DLG2: variants seen among roughly 807,000 people sequenced by gnomAD.
DLG2 encodes the protein disks large homolog 2.
In DLG2, 45 loss-of-function variants were observed where a neutral mutation model predicts 132.5. The ratio of observed to expected loss-of-function variants is 0.34; its 90% CI spans 0.27 to 0.44. The LOEUF is 0.44. Among genes scored for constraint, DLG2 ranks in the 20% least tolerant of loss-of-function variants. The pLI, the probability that DLG2 is intolerant of heterozygous loss-of-function variation, is 1.00. For missense variants in DLG2, 1,045 were observed against 1,196.9 expected, an observed-to-expected ratio of 0.87 and a Z score of 1.87; for synonymous variants, 424 against 419.6, an observed-to-expected ratio of 1.01 and a Z score of -0.13.
chr11:83,997,984 A>C (rs1377388190), intron 11 of DLG2, among the ~76,000 whole-genome samples: 1 of 151,664 alleles, frequency 6.6e-6, no homozygotes, highest in African/African-American at 2.4e-5. Flanking sequence ...ATACAAAAAA[A>C]ATTAGCTGGG....
intron 15 of DLG2, among the ~76,000 whole-genome samples, chr11:83,875,548 T>C (rs1285749133): frequency 6.6e-6 from 1 of 152,142 alleles, no homozygotes; most frequent in East Asian, 1.9e-4. Flanking sequence ...TAGAATATTC[T>C]TTAGAAAGAG....
intron 17 of DLG2, among the ~76,000 whole-genome samples, chr11:83,798,826 GA>G (rs2043540451): frequency 6.6e-6 from 1 of 151,936 alleles, no homozygotes; most frequent in African/African-American, 2.4e-5. Flanking sequence ...TTTCAAGAGG[GA>G]AAAAAATCTA....
chr11:83,517,208 A>G lies in DLG2; in HGVS notation c.2193+15500T>C, dbSNP rs185490196. 6.9e-3 allele frequency among the ~76,000 whole-genome samples: 1,057 copies of G among 152,278 alleles called. 12 individuals carry two copies. Among genetic ancestry groups the G allele is most frequent in the African/African-American group, 0.024 (983 of 41,548 alleles). On this transcript the variant is annotated intron_variant, in intron 21 of 27. Coordinates refer to ENST00000376104, the MANE Select transcript of DLG2 (RefSeq NM_001142699.3). The stretch of plus-strand genomic sequence containing the variant: ...TTTCACATAGTCCCATATTTCTTGG[A>G]GGCTTTGTGCATTTCTTTTTATTCT...
At position 84,513,303 on chromosome 11, in the gene DLG2, T is replaced by G. The variant is rs193243125; in HGVS notation, c.519+21267A>C. Among the ~76,000 whole-genome samples the G allele has an allele frequency of 2.6e-5, 4 of 152,062 alleles. No individual in the cohort carries two copies. The East Asian group carries it at 7.7e-4, about 29-fold the overall frequency. ...AGTGAAATTCCTATAAAAATACCAA[T>G]GACATTCTTCACAGAAATAGAAAAA... On this transcript the variant is annotated intron_variant, in intron 7 of 27. Coordinates refer to ENST00000376104, the MANE Select transcript of DLG2 (RefSeq NM_001142699.3).
chr11:84,566,595 T>A (rs2099456990), intron 6 of DLG2, among the ~76,000 whole-genome samples: 1 of 152,218 alleles, frequency 6.6e-6, no homozygotes, highest in Non-Finnish European at 1.5e-5. Flanking sequence ...AAAGGCTCCC[T>A]GACTTCCCAA....
chr11:85,182,760 T>C (rs2079805921), intron 4 of DLG2, among the ~76,000 whole-genome samples: 1 of 150,594 alleles, frequency 6.6e-6, no homozygotes, highest in South Asian at 2.1e-4. Flanking sequence ...AGGAAATTAC[T>C]AGCAAAGTAA....
At chr11:84,181,109 TAC>T (rs995882091) in intron 8 of DLG2, among the ~76,000 whole-genome samples, 4 of 151,956 alleles carry the variant, frequency 2.6e-5, no homozygotes, top group African/African-American at 9.7e-5. Flanking sequence ...TGCTTATATA[TAC>T]ACACATATGT....
At chr11:84,735,887 G>T (rs1002351918) in intron 6 of DLG2, among the ~76,000 whole-genome samples, 4 of 151,720 alleles carry the variant, frequency 2.6e-5, no homozygotes, top group African/African-American at 9.7e-5. Flanking sequence ...AGTGTCTTTT[G>T]AATACCAGAA....
intron 21 of DLG2, among the ~76,000 whole-genome samples, chr11:83,484,804 G>A (rs1385433324): frequency 6.6e-6 from 1 of 152,108 alleles, no homozygotes; most frequent in Non-Finnish European, 1.5e-5. Context: ...AATTAAAACT[G>A]CACAAAGAAG....
chr11:85,278,926 A>G (rs558885613), intron 4 of DLG2, among the ~76,000 whole-genome samples: 2 of 152,080 alleles, frequency 1.3e-5, no homozygotes, highest in East Asian at 3.9e-4. Flanking sequence ...AGCAACAGCA[A>G]CTCTACCTGC....
At chr11:85,019,399 T>C (rs1279704157) in intron 6 of DLG2, among the ~76,000 whole-genome samples, 1 of 151,942 alleles carries the variant, frequency 6.6e-6, no homozygotes, top group African/African-American at 2.4e-5. Flanking sequence ...TGGTGAAAAA[T>C]TTCAACTTAG....
At chr11:85,127,285 C>T (rs1328235499) in intron 5 of DLG2, among the ~76,000 whole-genome samples, 1 of 140,964 alleles carries the variant, frequency 7.1e-6, no homozygotes, top group Non-Finnish European at 1.5e-5. Flanking sequence ...TCTCTCCCCA[C>T]ACACCTGCCA....
intron 8 of DLG2, among the ~76,000 whole-genome samples, chr11:84,214,306 T>C (rs1360397529): frequency 6.9e-6 from 1 of 145,456 alleles, no homozygotes; most frequent in Non-Finnish European, 1.5e-5. Flanking sequence ...AGAATATATA[T>C]TTCTATACAT....
At chr11:84,120,676 T>C (rs561222934) in intron 9 of DLG2, among the ~76,000 whole-genome samples, 296 of 152,298 alleles carry the variant, frequency 1.9e-3, no homozygotes, top group South Asian at 7.5e-3. Flanking sequence ...TCAAATAATC[T>C]AGACTGGGTG....
intron 9 of DLG2, among the ~76,000 whole-genome samples, chr11:84,105,527 T>C (rs1200942781): frequency 1.3e-5 from 2 of 152,158 alleles, no homozygotes; most frequent in East Asian, 1.9e-4. Context: ...TGTCAAACAA[T>C]GTATTCTTTA....
intron 19 of DLG2, among the ~76,000 whole-genome samples, chr11:83,553,050 T>C (rs1409034566): frequency 3.3e-5 from 5 of 152,110 alleles, no homozygotes; most frequent in African/African-American, 9.7e-5. Context: ...CTCATGAGAG[T>C]TAGGTGAAGT....
rs2089976031 is a variant in DLG2 at position 83,965,537 on chromosome 11, A to C, written c.1057-69T>G. The C allele has an allele frequency of 3.9e-6, 5 of 1,277,010 alleles. No individual in the cohort carries two copies. In the Admixed American group the frequency reaches 1.1e-4, roughly 29 times the overall value. 79.1% of individuals were successfully genotyped at this position (1,277,010 alleles called of 1,614,324 possible). On this transcript the variant is annotated intron_variant, in intron 12 of 27. Coordinates refer to ENST00000376104, the MANE Select transcript of DLG2 (RefSeq NM_001142699.3). Reference sequence around the variant, plus strand: ...GCAGAAGAAAAATATTCAGGCAAGAAGATACCTGGAATTATAAATTGTGAT... The same window carrying C: ...GCAGAAGAAAAATATTCAGGCAAGACGATACCTGGAATTATAAATTGTGAT...
chr11:84,348,666 C>T (rs905253443), intron 7 of DLG2, among the ~76,000 whole-genome samples: 3 of 152,256 alleles, frequency 2.0e-5, no homozygotes, highest in Admixed American at 1.3e-4. Flanking sequence ...CTCCTAGTAC[C>T]TGTTGTGACT....
At chr11:84,934,546 T>TTTTTTTTTTTTTTTTTTTTTTTTTTTTG (rs1183459468) in intron 6 of DLG2, among the ~76,000 whole-genome samples, 1 of 128,666 alleles carries the variant, frequency 7.8e-6, no homozygotes. Flanking sequence ...TTTTTTTTTT[T>TTTTTTTTTTTTTTTTTTTTTTTTTTTTG]GGTGGGTAGG....
Sources: allele counts gnomAD v4.1 joint callset (sites outside exome capture counted in the v4.1 genomes callset), GRCh38; gene constraint gnomAD v4.1.1; transcripts MANE v1.5; gene names NCBI Gene and HGNC (gene_info 2026-07-23, HGNC 2026-07-21).